Variants in LARS2 observed in about 807,000 individuals in gnomAD.
LARS2 encodes the protein leucyl-tRNA synthetase 2, mitochondrial.
LARS2 carries 81 observed loss-of-function variants against 116.6 expected under a neutral mutation model. The observed-to-expected ratio is 0.69, with a 90% CI of 0.58 to 0.84. LARS2 has a LOEUF of 0.84. Among genes scored for constraint, LARS2 ranks in the 40% least tolerant of loss-of-function variants. The pLI is 0.00. For synonymous variants in LARS2, 396 were observed against 407.2 expected (o/e 0.97, Z 0.33); for missense variants, 968 against 1,114.5 (o/e 0.87, Z 1.87).
At chr3:45,457,963 G>A (rs570315390) in intron 7 of LARS2, among the ~76,000 whole-genome samples, 57 of 152,278 alleles carry the variant, frequency 3.7e-4, no homozygotes, top group Non-Finnish European at 5.6e-4. Context: ...TGTGGGGGCA[G>A]GTATTGATTG....
chr3:45,471,860 GA>G (rs1245440637), intron 8 of LARS2, among the ~76,000 whole-genome samples: 1 of 152,116 alleles, frequency 6.6e-6, no homozygotes, highest in South Asian at 2.1e-4. Flanking sequence ...AATTTTATTA[GA>G]AGATTAATTG....
chr3:45,391,536 A>G (rs1161132916), intron 1 of LARS2, 47 bp from the exon 2 acceptor site: 2 of 150,462 alleles, frequency 1.3e-5, no homozygotes, highest in African/African-American at 4.9e-5. Context: ...ATGACACTTT[A>G]AAAATATTCT....
At chr3:45,488,956 T>C in intron 12 of LARS2, 144 bp downstream of exon 12, 1 of 651,000 alleles carries the variant, frequency 1.5e-6, no homozygotes, top group South Asian at 1.8e-5. Context: ...CAGAACAAAA[T>C]AATATTCTTC....
intron 4 of LARS2, among the ~76,000 whole-genome samples, chr3:45,402,154 A>G (rs1698164596): frequency 6.6e-6 from 1 of 152,182 alleles, no homozygotes. Context: ...TCTCTCATCT[A>G]TAAAATAGGG....
At chr3:45,464,942 A>G (rs1197376528) in intron 8 of LARS2, among the ~76,000 whole-genome samples, 5 of 152,070 alleles carry the variant, frequency 3.3e-5, no homozygotes, top group Non-Finnish European at 4.4e-5. Context: ...TATCCCCACC[A>G]TGCCCCTCTG....
At position 45,547,665 on chromosome 3, in the gene LARS2, G is replaced by T; in HGVS notation, c.*135G>T. 1 of 783,910 alleles carries T rather than the reference G, an allele frequency of 1.3e-6. No individual in the cohort carries two copies. The highest frequency in any genetic ancestry group is 2.0e-6 in the Non-Finnish European group (1 of 494,422). 48.6% of individuals were successfully genotyped at this position (783,910 alleles called of 1,614,324 possible). A position where few individuals can be genotyped will look rare whatever the true frequency, so the allele number is the denominator to read the frequency against. On this transcript the variant is annotated 3_prime_UTR_variant, in exon 22 of 22. Coordinates refer to ENST00000645846, the MANE Select transcript of LARS2 (RefSeq NM_015340.4). ...GACTGTTGACCTCGGTCCTGTGGCA[G>T]ACTGCAGTCAACAGTGTGCCTCTGT...
intron 20 of LARS2, among the ~76,000 whole-genome samples, chr3:45,533,438 C>T (rs1227347734): frequency 6.6e-6 from 1 of 152,114 alleles, no homozygotes; most frequent in Non-Finnish European, 1.5e-5. Context: ...TGAGCCACTG[C>T]GCCGGCCCCA....
intron 6 of LARS2, among the ~76,000 whole-genome samples, chr3:45,425,394 C>T (rs1043998987): frequency 7.2e-5 from 11 of 152,176 alleles, no homozygotes; most frequent in African/African-American, 2.4e-4. Context: ...AAACTCAGAA[C>T]GTGACCTCAC....
Position 45,516,202 on chromosome 3 carries a change from A to G in LARS2, c.1970A>G (p.Tyr657Cys), listed in dbSNP as rs1387753766. The G allele has an allele frequency of 6.2e-7, 1 of 1,614,092 alleles. No homozygotes were observed. Among genetic ancestry groups the G allele is most frequent in the African/African-American group, 1.3e-5 (1 of 74,954 alleles). ...GACCCAGAGGAAGTTGTGGAGCAGT[A>G]TGGGATCGACACGATTCGGCTCTAC... The part of the protein sequence containing the change: ...GVDPEEVVEQ[Y>C]GIDTIRLYIL... The change falls in exon 17 of 22, where the codon TAT (tyrosine) becomes TGT (cysteine). Residue 657 changes from tyrosine (Y) to cysteine (C), a missense_variant. Physicochemically the swap from Tyr to Cys is radical, Grantham distance 194. Coordinates refer to ENST00000645846, the MANE Select transcript of LARS2 (RefSeq NM_015340.4).
intron 3 of LARS2, among the ~76,000 whole-genome samples, chr3:45,398,605 C>A (rs1043449033): frequency 6.6e-6 from 1 of 152,206 alleles, no homozygotes; most frequent in Non-Finnish European, 1.5e-5. Context: ...GTTGCTCTTC[C>A]TTTCTCTCCA....
chr3:45,413,359 G>C (rs199590373), intron 4 of LARS2, among the ~76,000 whole-genome samples: 1 of 152,220 alleles, frequency 6.6e-6, no homozygotes, highest in African/African-American at 2.4e-5. Context: ...CAGCTGCAGC[G>C]GCCACAGCAG....
intron 4 of LARS2, among the ~76,000 whole-genome samples, chr3:45,406,882 A>C (rs751075774): frequency 1.3e-5 from 2 of 152,224 alleles, no homozygotes; most frequent in Non-Finnish European, 2.9e-5. Flanking sequence ...TTTAAAACTT[A>C]GCTCCATATG....
At position 45,517,893 on chromosome 3, in the gene LARS2, C is replaced by G. The variant is rs373111526; in HGVS notation, c.2045-10C>G. The G allele has an allele frequency of 1.2e-6, 2 of 1,607,174 alleles. No homozygotes were observed. The highest frequency in any genetic ancestry group is 2.2e-5 in the East Asian group (1 of 44,798). ...GCTCTCTCTTTCTCATTTACTGATG[C>G]TGAATTCAGCTGATGCTCTCCCTGG... On this transcript the variant is annotated splice_polypyrimidine_tract_variant and intron_variant, in intron 17 of 21. Transcript: ENST00000645846.
intron 18 of LARS2, chr3:45,519,709 G>T: frequency 6.6e-6 from 1 of 152,668 alleles, no homozygotes; most frequent in Non-Finnish European, 1.4e-5. Flanking sequence ...GTGCAATGGC[G>T]CAATCTCAGC....
At chr3:45,481,881 C>T (rs1699709081) in intron 10 of LARS2, among the ~76,000 whole-genome samples, 2 of 151,866 alleles carry the variant, frequency 1.3e-5, no homozygotes, top group South Asian at 4.1e-4. Flanking sequence ...TCTTTTGTTG[C>T]TTTTGCTTTT....
chr3:45,400,339 C>G lies in LARS2; in HGVS notation c.329C>G (p.Thr110Ser). 6.2e-7 allele frequency: 1 copy of G among 1,613,048 alleles called. No homozygotes were observed. ...GHVRVYTISDTIARFQKMRGM... is the reference protein window; with the variant it reads ...GHVRVYTISDSIARFQKMRGM... ...GTGCGTGTCTACACCATCAGCGACA[C>G]CATAGCACGGTTCCAGAAGATGAGA... The change falls in exon 4 of 22, where the codon ACC becomes AGC. Residue 110 changes from threonine (T) to serine (S), a missense_variant. Physicochemically the swap from Thr to Ser is moderately conservative, Grantham distance 58 (BLOSUM62 1). Transcript: ENST00000645846.
chr3:45,464,524 C>T (rs973659041), intron 8 of LARS2, among the ~76,000 whole-genome samples: 2 of 152,164 alleles, frequency 1.3e-5, no homozygotes, highest in East Asian at 3.8e-4. Context: ...AAGTGCCTCT[C>T]CAGTCACATC....
At chr3:45,528,384 A>G (rs1305680863) in intron 20 of LARS2, among the ~76,000 whole-genome samples, 1 of 152,106 alleles carries the variant, frequency 6.6e-6, no homozygotes, top group African/African-American at 2.4e-5. Context: ...ACCTATGTGT[A>G]TTGTATTTTG....
chr3:45,523,272 A>G (rs918851813), intron 19 of LARS2, among the ~76,000 whole-genome samples: 8 of 152,340 alleles, frequency 5.3e-5, no homozygotes, highest in Admixed American at 4.6e-4. Context: ...TAAGTAGGGT[A>G]TAGAGGCCCC....
Sources: gnomAD v4.1 joint callset for allele counts (sites outside exome capture counted in the v4.1 genomes callset) on GRCh38, gnomAD v4.1.1 for gene constraint, MANE v1.5 for transcripts, NCBI Gene and HGNC (gene_info 2026-07-23, HGNC 2026-07-21) for gene names.